The following TAB2 variants were observed in gnomAD, a reference collection of about 807,000 sequenced individuals.
The protein encoded by TAB2 is TGF-beta activated kinase 1 (MAP3K7) binding protein 2, also known as TGF-beta-activated kinase 1 and MAP3K7-binding protein 2.
TAB2 carries 3 observed loss-of-function variants against 65.0 expected under a neutral mutation model. The observed-to-expected ratio is 0.05, with a 90% CI of 0.02 to 0.12. The LOEUF (loss-of-function observed/expected upper bound fraction) is 0.12. Ranked by LOEUF, TAB2 falls within the 10% of genes least tolerant of loss-of-function variation. The pLI, the probability that TAB2 is intolerant of heterozygous loss-of-function variation, is 1.00. For missense variants in TAB2, 623 were observed against 840.3 expected, an observed-to-expected ratio of 0.74 and a Z score of 3.20; for synonymous variants, 298 against 285.1, an observed-to-expected ratio of 1.05 and a Z score of -0.46.
At chr6:149,345,107 A>G (rs1186410485) in intron 1 of TAB2, among the ~76,000 whole-genome samples, 1 of 151,932 alleles carries the variant, frequency 6.6e-6, no homozygotes, top group African/African-American at 2.4e-5. Flanking sequence ...AAACCATCTC[A>G]TTGGTAGATG....
At chr6:149,222,769 T>C (rs1035075961) in intron 1 of TAB2, among the ~76,000 whole-genome samples, 14 of 152,196 alleles carry the variant, frequency 9.2e-5, no homozygotes, top group African/African-American at 3.4e-4. Context: ...CCTACACTTT[T>C]CTTGCTGATG....
intron 1 of TAB2, among the ~76,000 whole-genome samples, chr6:149,298,214 A>G (rs921797185): frequency 6.6e-6 from 1 of 152,250 alleles, no homozygotes; most frequent in Non-Finnish European, 1.5e-5. Flanking sequence ...GGTATATGAA[A>G]ATATGCATGC....
chr6:149,218,769 G>T (rs781717743), exon 1 of TAB2: 3 of 456,114 alleles, frequency 6.6e-6, no homozygotes, highest in South Asian at 4.6e-5. Context: ...AACCAACTGA[G>T]AATGCAGGTA....
intron 1 of TAB2, among the ~76,000 whole-genome samples, chr6:149,350,132 A>G (rs940412167): frequency 2.0e-4 from 31 of 152,024 alleles, no homozygotes; most frequent in Non-Finnish European, 3.5e-4. Context: ...GGGTTTCACC[A>G]TGTTGGCTAG....
At chr6:149,236,576 G>A (rs7750616) in intron 1 of TAB2, among the ~76,000 whole-genome samples, 4,100 of 152,272 alleles carry the variant, frequency 0.027, 196 homozygotes, top group African/African-American at 0.092. Flanking sequence ...AGAGATAGGA[G>A]GCTAATCAAG....
intron 1 of TAB2, among the ~76,000 whole-genome samples, chr6:149,292,273 C>G (rs1461499366): frequency 2.6e-4 from 40 of 152,136 alleles, no homozygotes; most frequent in Admixed American, 2.6e-3. Flanking sequence ...TATTTTACAA[C>G]AAAAACTGAC....
intron 1 of TAB2, among the ~76,000 whole-genome samples, chr6:149,223,068 T>C (rs1392572640): frequency 6.6e-6 from 1 of 152,250 alleles, no homozygotes; most frequent in Non-Finnish European, 1.5e-5. Context: ...AAAATTCTTT[T>C]TTGTTAAGTA....
chr6:149,372,977 A>G (rs1781280626), intron 2 of TAB2, among the ~76,000 whole-genome samples: 1 of 152,186 alleles, frequency 6.6e-6, no homozygotes, highest in Non-Finnish European at 1.5e-5. Context: ...GGATCATGCC[A>G]TGCTACCAAT....
intron 1 of TAB2, chr6:149,248,021 A>T (rs1315994744): frequency 6.6e-6 from 1 of 152,210 alleles, no homozygotes; most frequent in Non-Finnish European, 1.5e-5. Context: ...GCACATGTAT[A>T]CCTGTGTAAC....
Position 149,399,097 on chromosome 6 carries a change from A to G in TAB2, c.1859-7A>G, listed in dbSNP as rs780590541. On this transcript the variant is annotated splice_region_variant and splice_polypyrimidine_tract_variant and intron_variant, in intron 5 of 6. Coordinates refer to ENST00000637181, the MANE Select transcript of TAB2 (RefSeq NM_001292034.3). ...GCATTGATATATTTACTTTTTATATATTTCAGGACCACATTTTAACCCCAG... is the reference window on the plus strand; with the variant it reads ...GCATTGATATATTTACTTTTTATATGTTTCAGGACCACATTTTAACCCCAG... The G allele has an allele frequency of 6.2e-7, 1 of 1,610,966 alleles. No homozygotes were observed. Among genetic ancestry groups the G allele is most frequent in the Admixed American group, 1.7e-5 (1 of 59,982 alleles).
At chr6:149,224,712 C>T (rs1777230575) in intron 1 of TAB2, among the ~76,000 whole-genome samples, 1 of 152,168 alleles carries the variant, frequency 6.6e-6, no homozygotes, top group Admixed American at 6.5e-5. Flanking sequence ...AGGAAGAAAC[C>T]AGTCCTAAAA....
chr6:149,313,987 AG>A (rs1233317537), upstream of TAB2, among the ~76,000 whole-genome samples: 3 of 152,202 alleles, frequency 2.0e-5, no homozygotes, highest in Non-Finnish European at 4.4e-5. Flanking sequence ...CCTGCACCCA[AG>A]ATAGCAAAGC....
chr6:149,248,753 C>T (rs1777793096), intron 1 of TAB2, among the ~76,000 whole-genome samples: 1 of 152,266 alleles, frequency 6.6e-6, no homozygotes, highest in Non-Finnish European at 1.5e-5. Context: ...CCCCGTGAGG[C>T]TCACCTTGAC....
chr6:149,238,676 T>C (rs910496427), intron 1 of TAB2, among the ~76,000 whole-genome samples: 6 of 152,326 alleles, frequency 3.9e-5, no homozygotes, highest in Admixed American at 1.3e-4. Flanking sequence ...TCAAAGTGAT[T>C]CTCACTGTGA....
intron 1 of TAB2, among the ~76,000 whole-genome samples, chr6:149,240,358 C>T (rs1484412812): frequency 6.6e-6 from 1 of 152,128 alleles, no homozygotes; most frequent in African/African-American, 2.4e-5. Flanking sequence ...GTGGCAGGTT[C>T]CTCCAGTCTA....
chr6:149,409,740 C>CT lies in TAB2; in HGVS notation c.*22dup. ...TCTGAGCCAAATGGCCCTGTATCTTCTCTAAAACCACATCTAAAGTTCAAG... is the reference window on the plus strand; with the variant it reads ...TCTGAGCCAAATGGCCCTGTATCTTCTTCTAAAACCACATCTAAAGTTCAAG... On this transcript the variant is annotated 3_prime_UTR_variant, in exon 7 of 7. Transcript: ENST00000637181. The CT allele has an allele frequency of 6.2e-7, 1 of 1,613,862 alleles. No individual in the cohort carries two copies. Among genetic ancestry groups the CT allele is most frequent in the Non-Finnish European group, 8.5e-7 (1 of 1,179,800 alleles).
At chr6:149,354,668 A>G (rs1780599504) in intron 1 of TAB2, among the ~76,000 whole-genome samples, 1 of 152,200 alleles carries the variant, frequency 6.6e-6, no homozygotes, top group South Asian at 2.1e-4. Flanking sequence ...TATTCTGTGC[A>G]CGTAAAAGCG....
intron 1 of TAB2, among the ~76,000 whole-genome samples, chr6:149,355,899 A>G (rs1780639185): frequency 2.0e-5 from 3 of 152,188 alleles, no homozygotes; most frequent in Admixed American, 6.5e-5. Context: ...ATTAAAGTCC[A>G]GAAATAAAGA....
chr6:149,277,688 T>A (rs574238477), intron 1 of TAB2, among the ~76,000 whole-genome samples: 1 of 152,300 alleles, frequency 6.6e-6, no homozygotes, highest in East Asian at 1.9e-4. Flanking sequence ...AATACATTTT[T>A]AAACTCTACC....
Sources: allele counts gnomAD v4.1 joint callset (sites outside exome capture counted in the v4.1 genomes callset), GRCh38; gene constraint gnomAD v4.1.1; transcripts MANE v1.5; gene names NCBI Gene and HGNC (gene_info 2026-07-23, HGNC 2026-07-21).